The following BABAM2 variants were observed in gnomAD, a reference collection of about 807,000 sequenced individuals.
BABAM2 encodes the protein BRISC and BRCA1 A complex member 2, also known as BRISC and BRCA1-A complex member 2.
A neutral mutation model predicts 54.7 loss-of-function variants in BABAM2; 31 were observed. That is an observed-to-expected ratio of 0.57 (90% CI 0.43 to 0.77). The LOEUF (loss-of-function observed/expected upper bound fraction) is 0.77. Among genes scored for constraint, BABAM2 ranks in the 30% least tolerant of loss-of-function variants. BABAM2 has a pLI of 0.00. For missense variants in BABAM2, 364 were observed against 455.8 expected (o/e 0.80, Z 1.83); for synonymous variants, 167 against 162.9 (o/e 1.03, Z -0.19).
At chr2:28,338,386 T>C in intron 11 of BABAM2, 64 bp from the exon 12 acceptor site, 1 of 1,387,336 alleles carries the variant, frequency 7.2e-7, no homozygotes, top group Non-Finnish European at 1.0e-6. Flanking sequence ...AAGCTCCCAG[T>C]TGCACTTTGT....
At chr2:28,034,082 T>C (rs1676487968) in intron 5 of BABAM2, among the ~76,000 whole-genome samples, 1 of 152,172 alleles carries the variant, frequency 6.6e-6, no homozygotes, top group Non-Finnish European at 1.5e-5. Flanking sequence ...AGCCATTTTA[T>C]GGTATCTCCT....
chr2:27,955,387 A>G (rs1233810582), intron 3 of BABAM2, among the ~76,000 whole-genome samples: 1 of 152,164 alleles, frequency 6.6e-6, no homozygotes, highest in Non-Finnish European at 1.5e-5. Context: ...GAAGCACACT[A>G]TTGTTACTCA....
intron 6 of BABAM2, among the ~76,000 whole-genome samples, chr2:28,075,468 G>T (rs1309798768): frequency 6.6e-6 from 1 of 151,988 alleles, no homozygotes; most frequent in Non-Finnish European, 1.5e-5. Context: ...AGGTAAGAAA[G>T]AATAAAAGTA....
At chr2:28,056,008 A>G (rs1482021998) in intron 6 of BABAM2, among the ~76,000 whole-genome samples, 1 of 152,210 alleles carries the variant, frequency 6.6e-6, no homozygotes, top group Non-Finnish European at 1.5e-5. Context: ...AAAGTATTGC[A>G]TGATCTCGCT....
chr2:28,237,742 G>A (rs1026169979), intron 8 of BABAM2, among the ~76,000 whole-genome samples: 19 of 152,258 alleles, frequency 1.2e-4, no homozygotes, highest in African/African-American at 3.6e-4. Flanking sequence ...CCCTCTCTGT[G>A]TTTCTGTACC....
intron 11 of BABAM2, among the ~76,000 whole-genome samples, chr2:28,314,747 A>C (rs1385923312): frequency 6.6e-6 from 1 of 152,136 alleles, no homozygotes; most frequent in Non-Finnish European, 1.5e-5. Context: ...GTGCAGGGAA[A>C]GAGCACTAGG....
chr2:28,184,701 T>C (rs928038045), intron 7 of BABAM2, among the ~76,000 whole-genome samples: 19 of 152,154 alleles, frequency 1.2e-4, no homozygotes, highest in Non-Finnish European at 1.2e-4. Flanking sequence ...ATGTGCCATA[T>C]TTTCTTAATC....
At chr2:28,083,534 T>G (rs570283114) in intron 6 of BABAM2, among the ~76,000 whole-genome samples, 43 of 152,356 alleles carry the variant, frequency 2.8e-4, no homozygotes, top group Admixed American at 2.0e-4. Flanking sequence ...TAATAACTAT[T>G]AAATATTTCC....
chr2:28,208,743 C>T (rs1001739838), intron 7 of BABAM2, among the ~76,000 whole-genome samples: 5 of 152,050 alleles, frequency 3.3e-5, no homozygotes, highest in Non-Finnish European at 7.4e-5. Flanking sequence ...TTCTAGCTTG[C>T]TAACAGTTGT....
At chr2:28,160,669 C>T (rs1222799179) in intron 7 of BABAM2, among the ~76,000 whole-genome samples, 1 of 148,566 alleles carries the variant, frequency 6.7e-6, no homozygotes, top group Non-Finnish European at 1.5e-5. Flanking sequence ...CTAGCATGTG[C>T]AAATACTGCA....
intron 6 of BABAM2, among the ~76,000 whole-genome samples, chr2:28,049,066 C>A (rs76454936): frequency 2.0e-5 from 3 of 152,160 alleles, no homozygotes; most frequent in Non-Finnish European, 2.9e-5. Context: ...CATTTTTATT[C>A]TCTGAACAAG....
chr2:28,255,899 G>A (rs903944493), intron 10 of BABAM2, among the ~76,000 whole-genome samples: 2 of 151,934 alleles, frequency 1.3e-5, no homozygotes, highest in Non-Finnish European at 2.9e-5. Context: ...TTTCTGAGCT[G>A]AAGTGATCCG....
At chr2:28,337,219 C>T (rs777667973) in intron 11 of BABAM2, among the ~76,000 whole-genome samples, 18 of 152,096 alleles carry the variant, frequency 1.2e-4, no homozygotes, top group Admixed American at 1.3e-4. Context: ...GGGTGCCCAC[C>T]TCCTTCCTCT....
In BABAM2 at chr2:28,112,141, C is replaced by CTT. The variant is rs1668109694; in HGVS notation, c.571-17128_571-17127dup. On this transcript the variant is annotated intron_variant, in intron 6 of 11. Transcript: ENST00000379624. ...TCTTTCTTTCTTTCTTTCTTTCTTT[C>CTT]TTTCTTTACCTCCCTCCCTCCCTCC... is the stretch of plus-strand genomic sequence containing the variant. Among the ~76,000 whole-genome samples, 13 of 16,324 alleles carry CTT rather than the reference C, an allele frequency of 8.0e-4. 2 individuals carry two copies. Among genetic ancestry groups the CTT allele is most frequent in the African/African-American group, 3.1e-3 (11 of 3,564 alleles). The allele number at this position is 16,324 out of a possible 152,430, so 10.7% of individuals were successfully genotyped here. A position where few individuals can be genotyped will look rare whatever the true frequency, so the allele number is the denominator to read the frequency against.
chr2:28,215,854 T>G (rs1459413860), intron 7 of BABAM2, among the ~76,000 whole-genome samples: 14 of 152,240 alleles, frequency 9.2e-5, no homozygotes, highest in Admixed American at 9.2e-4. Context: ...GTAACTGTAT[T>G]TTAAGCCAGC....
At chr2:28,182,422 C>T (rs1292498233) in intron 7 of BABAM2, among the ~76,000 whole-genome samples, 1 of 152,156 alleles carries the variant, frequency 6.6e-6, no homozygotes, top group Non-Finnish European at 1.5e-5. Flanking sequence ...AAACATATCA[C>T]ACACACAATC....
At chr2:28,206,874 A>G (rs1437067321) in intron 7 of BABAM2, among the ~76,000 whole-genome samples, 1 of 152,200 alleles carries the variant, frequency 6.6e-6, no homozygotes, top group East Asian at 1.9e-4. Context: ...TACCATTACA[A>G]CAACTACTCC....
intron 3 of BABAM2, among the ~76,000 whole-genome samples, chr2:27,955,918 G>C (rs549928809): frequency 6.6e-6 from 1 of 151,562 alleles, no homozygotes; most frequent in Non-Finnish European, 1.5e-5. Context: ...TATGTTGTGA[G>C]ATTTAGAAAA....
chr2:28,176,777 A>T (rs1675036706), intron 7 of BABAM2, among the ~76,000 whole-genome samples: 1 of 150,320 alleles, frequency 6.7e-6, no homozygotes, highest in Non-Finnish European at 1.5e-5. Context: ...TCAACAGTAG[A>T]CTAGATCAAG....
Sources: gnomAD v4.1 joint callset for allele counts (sites outside exome capture counted in the v4.1 genomes callset) on GRCh38, gnomAD v4.1.1 for gene constraint, MANE v1.5 for transcripts, NCBI Gene and HGNC (gene_info 2026-07-23, HGNC 2026-07-21) for gene names.